POLR1C: variants seen among roughly 807,000 people sequenced by gnomAD.
The protein encoded by POLR1C is RNA polymerase I and III subunit C, also known as DNA-directed RNA polymerases I and III subunit RPAC1.
A neutral mutation model predicts 38.3 loss-of-function variants in POLR1C; 42 were observed. The observed-to-expected ratio is 1.10, with a 90% CI of 0.86 to 1.42. POLR1C has a LOEUF of 1.42. Among genes scored for constraint, POLR1C ranks in the 40% most tolerant of loss-of-function variants. The pLI, the probability that POLR1C is intolerant of heterozygous loss-of-function variation, is 0.00. For synonymous variants in POLR1C, 163 were observed against 163.9 expected (o/e 0.99, Z 0.04); for missense variants, 507 against 450.5 (o/e 1.13, Z -1.14).
At chr6:43,562,198 C>T (rs765572201) in exon 11 of POLR1C, 2 of 1,472,818 alleles carry the variant, frequency 1.4e-6, no homozygotes, top group Non-Finnish European at 1.9e-6. Context: ...TTTCTAAATG[C>T]TCTTCCCAAA....
intron 9 of POLR1C, chr6:43,548,242 G>A: frequency 6.3e-7 from 1 of 1,578,282 alleles, no homozygotes. Context: ...TAAGAGTCAG[G>A]GCAAGGGATC....
exon 11 of POLR1C, chr6:43,562,234 A>C (rs751733138): frequency 6.3e-7 from 1 of 1,595,936 alleles, no homozygotes. Flanking sequence ...CCAGAAAGCA[A>C]ACACTAGCTC....
chr6:43,537,466 C>T (rs892431597), intron 9 of POLR1C, among the ~76,000 whole-genome samples: 12 of 151,394 alleles, frequency 7.9e-5, no homozygotes, highest in African/African-American at 1.9e-4. Flanking sequence ...TAAGCTTGGC[C>T]GGCAATATGG....
At position 43,539,833 on chromosome 6, in the gene POLR1C, G is replaced by A. The variant is rs1236930783; in HGVS notation, c.*4+10474G>A. ...AAATCATTTAGGCCTGGAGTTTTTT[G>A]GTCTAATTTAACTACTACCAATATA... is the stretch of plus-strand genomic sequence containing the variant. On this transcript the variant is annotated intron_variant, in intron 9 of 10. Coordinates refer to the POLR1C transcript ENST00000607635. 7.7e-6 allele frequency: 4 copies of A among 522,470 alleles called. No individual in the cohort carries two copies. The East Asian group carries it at 9.3e-5, about 12-fold the overall frequency. 32.4% of individuals were successfully genotyped at this position (522,470 alleles called of 1,614,324 possible). A position where few individuals can be genotyped will look rare whatever the true frequency, so the allele number is the denominator to read the frequency against.
At position 43,517,099 on chromosome 6, in the gene POLR1C, A is replaced by G. The variant is rs1219211495; in HGVS notation, c.-11A>G. The G allele has an allele frequency of 6.2e-7, 1 of 1,613,724 alleles. No homozygotes were observed. Among genetic ancestry groups the G allele is most frequent in the South Asian group, 1.1e-5 (1 of 91,066 alleles). ...CGAGATAGAACCTCTAGTCTCGTGG[A>G]GAGATTGAAGATGGCGGCTTCTCAG... On this transcript the variant is annotated 5_prime_UTR_variant, in exon 1 of 9. Coordinates refer to ENST00000642195, the MANE Select transcript of POLR1C (RefSeq NM_203290.4).
downstream of POLR1C, chr6:43,533,947 C>T: frequency 6.2e-7 from 1 of 1,607,612 alleles, no homozygotes. Flanking sequence ...TATCCAGAGC[C>T]TTGGTGAAAG....
chr6:43,550,681 TTG>T (rs1213319566), intron 9 of POLR1C, among the ~76,000 whole-genome samples: 1 of 152,340 alleles, frequency 6.6e-6, no homozygotes, highest in African/African-American at 2.4e-5. Flanking sequence ...AGCCAATTTA[TTG>T]TGAGATGTCT....
chr6:43,537,520 A>G (rs929593814), intron 9 of POLR1C, among the ~76,000 whole-genome samples: 1 of 152,228 alleles, frequency 6.6e-6, no homozygotes, highest in Non-Finnish European at 1.5e-5. Flanking sequence ...GCGCAATAGC[A>G]GCCATAAACA....
chr6:43,529,086 ATCCTAAAT>A (rs1364069041), intron 8 of POLR1C, among the ~76,000 whole-genome samples: 1 of 152,320 alleles, frequency 6.6e-6, no homozygotes, highest in East Asian at 1.9e-4. Context: ...TTTTCCTAAA[ATCCTAAAT>A]GGCACTGATA....
intron 9 of POLR1C, among the ~76,000 whole-genome samples, chr6:43,542,122 A>G (rs1400638164): frequency 6.6e-6 from 1 of 152,058 alleles, no homozygotes; most frequent in Non-Finnish European, 1.5e-5. Flanking sequence ...CTTACAGTTC[A>G]TCTCAATTCA....
intron 8 of POLR1C, among the ~76,000 whole-genome samples, chr6:43,528,365 T>G (rs1478937869): frequency 6.6e-6 from 1 of 152,074 alleles, no homozygotes; most frequent in African/African-American, 2.4e-5. Flanking sequence ...AAAAAAAACA[T>G]CTATGGTTTC....
downstream of POLR1C, among the ~76,000 whole-genome samples, chr6:43,534,223 A>G (rs1156612175): frequency 6.6e-6 from 1 of 152,216 alleles, no homozygotes; most frequent in African/African-American, 2.4e-5. Flanking sequence ...CCTAAGATAA[A>G]TTAACATGAG....
downstream of POLR1C, chr6:43,525,941 T>G (rs1304673596): frequency 6.2e-7 from 1 of 1,613,024 alleles, no homozygotes; most frequent in Non-Finnish European, 8.5e-7. Flanking sequence ...GAGAGTAGAA[T>G]GTTAAGCTCC....
chr6:43,562,327 A>T, exon 11 of POLR1C: 1 of 1,608,624 alleles, frequency 6.2e-7, no homozygotes, highest in African/African-American at 1.3e-5. Context: ...TTTTCTACCA[A>T]ACCTCCTCCA....
intron 9 of POLR1C, among the ~76,000 whole-genome samples, chr6:43,534,679 CAT>C (rs1203981893): frequency 3.3e-5 from 5 of 152,106 alleles, no homozygotes; most frequent in Non-Finnish European, 2.9e-5. Context: ...TTTAAACCTC[CAT>C]AGTTTGTTCT....
chr6:43,557,930 T>A (rs929007874), intron 10 of POLR1C, among the ~76,000 whole-genome samples: 1 of 151,544 alleles, frequency 6.6e-6, no homozygotes, highest in African/African-American at 2.4e-5. Flanking sequence ...ACCCCATCTC[T>A]ACCAAAAATG....
At chr6:43,549,512 G>A (rs1476860238) in intron 9 of POLR1C, 1 of 1,612,796 alleles carries the variant, frequency 6.2e-7, no homozygotes. Context: ...GGGTAGTCAC[G>A]ACACATCTTG....
intron 9 of POLR1C, chr6:43,548,231 G>GT (rs1561875717): frequency 6.4e-7 from 1 of 1,551,594 alleles, no homozygotes; most frequent in South Asian, 1.2e-5. Context: ...CTTGAGTATA[G>GT]TAAGAGTCAG....
intron 9 of POLR1C, among the ~76,000 whole-genome samples, chr6:43,537,243 A>AT (rs1311092990): frequency 6.6e-6 from 1 of 152,068 alleles, no homozygotes; most frequent in Non-Finnish European, 1.5e-5. Flanking sequence ...AAGTGCTGAA[A>AT]TTATAGGCAT....
Sources: allele counts gnomAD v4.1 joint callset (sites outside exome capture counted in the v4.1 genomes callset), GRCh38; gene constraint gnomAD v4.1.1; transcripts MANE v1.5; gene names NCBI Gene and HGNC (gene_info 2026-07-23, HGNC 2026-07-21).